Variants in QSER1 observed in about 807,000 individuals in gnomAD.
The protein encoded by QSER1 is glutamine and serine rich 1, also known as glutamine and serine-rich protein 1.
In QSER1, 49 loss-of-function variants were observed where a neutral mutation model predicts 158.5. That is an observed-to-expected ratio of 0.31 (90% CI 0.25 to 0.39). The LOEUF is 0.39. QSER1 is among the 10% of genes least tolerant of loss of function. QSER1 has a pLI of 1.00. For missense variants in QSER1, 1,754 were observed against 2,010.3 expected, an observed-to-expected ratio of 0.87 and a Z score of 2.44; for synonymous variants, 650 against 715.5, an observed-to-expected ratio of 0.91 and a Z score of 1.46.
Position 32,932,081 on chromosome 11 carries a change from C to G in QSER1, c.823C>G (p.Gln275Glu). 6.2e-7 allele frequency: 1 copy of G among 1,614,196 alleles called. No homozygotes were observed. The highest frequency in any genetic ancestry group is 2.2e-5 in the East Asian group (1 of 44,886). ...SAQESAPHLL[Q>E]PQFSLLPSAL... ...TCAAGAGTCTGCACCCCATCTTTTA[C>G]AACCTCAATTTAGTTTGTTGCCTTC... Residue 275 changes from glutamine (Q) to glutamate (E), a missense_variant, in exon 4 of 13, where the codon CAA (glutamine) becomes GAA (glutamate). By Grantham distance (29) the Gln-to-Glu change is conservative (BLOSUM62 2). Transcript: ENST00000650167.
At chr11:32,960,390 C>T (rs1284494457) in intron 8 of QSER1, among the ~76,000 whole-genome samples, 2 of 151,816 alleles carry the variant, frequency 1.3e-5, no homozygotes, top group Admixed American at 6.6e-5. Context: ...AACCCTGTCT[C>T]TACTAAAAAT....
intron 8 of QSER1, among the ~76,000 whole-genome samples, chr11:32,964,058 G>A (rs1441014400): frequency 6.6e-6 from 1 of 152,066 alleles, no homozygotes; most frequent in African/African-American, 2.4e-5. Context: ...CTGCAGCCTT[G>A]AACTCCTGGG....
intron 8 of QSER1, among the ~76,000 whole-genome samples, chr11:32,963,493 A>G (rs554465520): frequency 1.3e-4 from 20 of 152,238 alleles, no homozygotes; most frequent in Admixed American, 1.3e-3. Flanking sequence ...CTGGGATTAC[A>G]GGCGCCCGCC....
At chr11:32,958,483 G>T (rs1451879131) in intron 8 of QSER1, among the ~76,000 whole-genome samples, 2 of 151,968 alleles carry the variant, frequency 1.3e-5, no homozygotes, top group Admixed American at 6.6e-5. Context: ...GAACACCTGG[G>T]CTCGTAACTC....
chr11:32,932,552 C>T lies in QSER1; in HGVS notation c.1294C>T (p.Pro432Ser). ...CCCTAAACCTCAAAGTATAATTCCT[C>T]CTGTGCAAACACTAAGCTATTCCAA... ...KTPKPQSIIP[P>S]VQTLSYSKPL... Residue 432 changes from proline to serine, a missense_variant, in exon 4 of 13, where the codon CCT becomes TCT. Coordinates refer to ENST00000650167, the MANE Select transcript of QSER1 (RefSeq NM_001076786.3). 6.2e-7 allele frequency: 1 copy of T among 1,614,150 alleles called. No homozygotes were observed. The highest frequency in any genetic ancestry group is 8.5e-7 in the Non-Finnish European group (1 of 1,179,990).
At chr11:32,970,426 A>T (rs1852830653) in intron 10 of QSER1, among the ~76,000 whole-genome samples, 1 of 152,146 alleles carries the variant, frequency 6.6e-6, no homozygotes, top group Non-Finnish European at 1.5e-5. Flanking sequence ...TGTTTTTGAG[A>T]TGGAGTCTTG....
rs556289784 is a variant in QSER1 at position 32,906,831 on chromosome 11, C to A, written c.209+13497C>A. Reference sequence around the variant, plus strand: ...TTTTAGCACATGGTCAGTCTTCTTTCATGCATATCCCTACATTCTCTCCCA... The same window carrying A: ...TTTTAGCACATGGTCAGTCTTCTTTAATGCATATCCCTACATTCTCTCCCA... On this transcript the variant is annotated intron_variant, in intron 1 of 12. Coordinates refer to ENST00000650167, the MANE Select transcript of QSER1 (RefSeq NM_001076786.3). Among the ~76,000 whole-genome samples the A allele has an allele frequency of 2.0e-5, 3 of 152,276 alleles. No homozygotes were observed. The South Asian group carries it at 6.2e-4, about 32-fold the overall frequency.
chr11:32,905,912 CTT>C (rs1375215794), intron 1 of QSER1, among the ~76,000 whole-genome samples: 1 of 151,926 alleles, frequency 6.6e-6, no homozygotes, highest in Non-Finnish European at 1.5e-5. Context: ...AGATAGTAAA[CTT>C]GTGTGTTATG....
At chr11:32,974,027 G>A (rs1462726655) in intron 11 of QSER1, among the ~76,000 whole-genome samples, 3 of 152,184 alleles carry the variant, frequency 2.0e-5, no homozygotes, top group Admixed American at 6.5e-5. Flanking sequence ...TTTCATATCT[G>A]CAAAGTCATT....
chr11:32,951,328 T>C (rs745518813), intron 4 of QSER1, among the ~76,000 whole-genome samples: 2 of 152,246 alleles, frequency 1.3e-5, no homozygotes, highest in Non-Finnish European at 2.9e-5. Context: ...TCTGTATTTC[T>C]ATAGCTTTAT....
At chr11:32,931,555 A>AAG (rs1170213645) in intron 3 of QSER1, among the ~76,000 whole-genome samples, 188 bp from the exon 4 acceptor site, 1 of 152,126 alleles carries the variant, frequency 6.6e-6, no homozygotes, top group African/African-American at 2.4e-5. Context: ...CTTAAAAAAA[A>AAG]AAGAAAAGAA....
At chr11:32,901,650 G>A (rs564795567) in intron 1 of QSER1, among the ~76,000 whole-genome samples, 74 of 152,308 alleles carry the variant, frequency 4.9e-4, no homozygotes, top group Non-Finnish European at 7.3e-4. Context: ...GTCCATTGCA[G>A]AATTGTCATG....
chr11:32,937,013 T>G (rs888167950), intron 4 of QSER1, among the ~76,000 whole-genome samples: 8 of 152,234 alleles, frequency 5.3e-5, no homozygotes, highest in African/African-American at 1.9e-4. Context: ...TCTCACCCAG[T>G]TCAGAGTGCT....
chr11:32,956,001 T>C lies in QSER1; in HGVS notation c.4631T>C (p.Phe1544Ser), dbSNP rs768314713. ...TTCCTTCCTCAGTATCTTGGATATT[T>C]TGGAGATGCAAAGAGTAAATACAAA... is the stretch of plus-strand genomic sequence containing the variant. ...FAATNSYLGY[F>S]GDAKSKYKRI... The change falls in exon 7 of 13, where the codon TTT (phenylalanine) becomes TCT (serine). Residue 1544 changes from phenylalanine to serine, a missense_variant. Transcript: ENST00000650167. 1 of 1,604,870 alleles carries C rather than the reference T, an allele frequency of 6.2e-7. No individual in the cohort carries two copies. Among genetic ancestry groups the C allele is most frequent in the South Asian group, 1.1e-5 (1 of 90,248 alleles).
Position 32,953,904 on chromosome 11 carries a change from A to G in QSER1, c.4225A>G (p.Thr1409Ala). ...TTSPTANTTG[T>A]ATTSSTTVGA... Reference sequence around the variant, plus strand: ...TAGCCCAACTGCCAATACTACTGGTACTGCTACTACTTCCTCAACCACTGT... The same window carrying G: ...TAGCCCAACTGCCAATACTACTGGTGCTGCTACTACTTCCTCAACCACTGT... The change falls in exon 5 of 13, where the codon ACT becomes GCT. Residue 1409 changes from threonine (T) to alanine (A), a missense_variant. Physicochemically the swap from Thr to Ala is moderately conservative, Grantham distance 58 (BLOSUM62 0). Around this residue, in one of 2 missense-constraint regions of QSER1, gnomAD observed 1,707 missense variants for 1,919.6 expected, o/e 0.89. Coordinates refer to ENST00000650167, the MANE Select transcript of QSER1 (RefSeq NM_001076786.3). The G allele has an allele frequency of 6.2e-7, 1 of 1,614,192 alleles. No individual in the cohort carries two copies. The highest frequency in any genetic ancestry group is 8.5e-7 in the Non-Finnish European group (1 of 1,180,010).
At chr11:32,952,531 A>G (rs1437271031) in intron 4 of QSER1, among the ~76,000 whole-genome samples, 3 of 152,026 alleles carry the variant, frequency 2.0e-5, no homozygotes, top group Non-Finnish European at 2.9e-5. Flanking sequence ...GGGTTTTTGT[A>G]TTTATATACT....
At chr11:32,952,471 T>C (rs1397454662) in intron 4 of QSER1, among the ~76,000 whole-genome samples, 1 of 137,056 alleles carries the variant, frequency 7.3e-6, no homozygotes, top group African/African-American at 2.5e-5. Flanking sequence ...CACGTGGTCA[T>C]ATTGTATGAT....
rs1438710554 is a variant in QSER1 at position 32,977,319 on chromosome 11, G to A, written c.*845G>A. On this transcript the variant is annotated 3_prime_UTR_variant, in exon 13 of 13. Coordinates refer to ENST00000650167, the MANE Select transcript of QSER1 (RefSeq NM_001076786.3). Reference sequence around the variant, plus strand: ...CTTAGTTATATGTTGAATTTCTAATGTGAATTCTATCTTGAGGTAACCATT... The same window carrying A: ...CTTAGTTATATGTTGAATTTCTAATATGAATTCTATCTTGAGGTAACCATT... 1.3e-5 allele frequency: 2 copies of A among 152,520 alleles called. No homozygotes were observed. Among genetic ancestry groups the A allele is most frequent in the Non-Finnish European group, 2.9e-5 (2 of 68,016 alleles). The allele number at this position is 152,520 out of a possible 1,614,324, so 9.4% of individuals were successfully genotyped here.
chr11:32,969,689 T>TTC (rs1325579288), intron 10 of QSER1, among the ~76,000 whole-genome samples: 3 of 148,422 alleles, frequency 2.0e-5, no homozygotes, highest in African/African-American at 4.9e-5. Flanking sequence ...TTCTTTTCTT[T>TTC]TTTTTTTTTT....
Sources: allele counts gnomAD v4.1 joint callset (sites outside exome capture counted in the v4.1 genomes callset), GRCh38; gene constraint gnomAD v4.1.1; regional missense constraint gnomAD v4.1.1; transcripts MANE v1.5; gene names NCBI Gene and HGNC (gene_info 2026-07-23, HGNC 2026-07-21).